The following PROM2 variants were observed in gnomAD, a reference collection of about 807,000 sequenced individuals.
PROM2 encodes prominin-2.
In PROM2, 90 loss-of-function variants were observed where a neutral mutation model predicts 110.2. That is an observed-to-expected ratio of 0.82 (90% CI 0.69 to 0.97). The LOEUF (loss-of-function observed/expected upper bound fraction) is 0.97, where lower values mean the gene tolerates loss of function less well. Among genes scored for constraint, PROM2 ranks in the 50% least tolerant of loss-of-function variants. The probability of loss-of-function intolerance (pLI) is 0.00; values close to 1 mark genes in which losing one functional copy is unlikely to be tolerated. For synonymous variants in PROM2, 470 were observed against 467.8 expected, an observed-to-expected ratio of 1.00 and a Z score of -0.06; for missense variants, 1,009 against 1,074.8, an observed-to-expected ratio of 0.94 and a Z score of 0.86.
intron 20 of PROM2, 142 bp from the exon 21 acceptor site, chr2:95,288,069 T>A (rs1677477035): frequency 6.3e-5 from 45 of 713,034 alleles, no homozygotes; most frequent in Non-Finnish European, 1.0e-4. Flanking sequence ...CCTCTCTGCA[T>A]GTGTATACAA....
intron 8 of PROM2, chr2:95,278,238 C>A: frequency 1.7e-6 from 1 of 589,622 alleles, no homozygotes; most frequent in Non-Finnish European, 3.0e-6. Flanking sequence ...GGGAGCAGTG[C>A]TCAGTCTGAG....
chr2:95,287,524 C>T, intron 20 of PROM2, 60 bp downstream of exon 20: 1 of 1,557,612 alleles, frequency 6.4e-7, no homozygotes, highest in African/African-American at 1.4e-5. Context: ...GCTGTTCACC[C>T]TGCTCTGCCC....
chr2:95,282,085 C>T (rs1017236892), intron 13 of PROM2, 57 bp from the exon 14 acceptor site: 3 of 1,606,782 alleles, frequency 1.9e-6, no homozygotes, highest in African/African-American at 2.7e-5. Context: ...CCTCAGGGGA[C>T]ATCAGCCCCC....
intron 22 of PROM2, 38 bp from the exon 23 acceptor site, chr2:95,288,895 G>T: frequency 1.3e-6 from 2 of 1,597,976 alleles, no homozygotes; most frequent in Middle Eastern, 1.7e-4. Flanking sequence ...AGGGTCTGGG[G>T]GGAAGGGTAT....
intron 11 of PROM2, among the ~76,000 whole-genome samples, chr2:95,280,470 C>T (rs1676982814): frequency 6.6e-6 from 1 of 152,326 alleles, no homozygotes. Flanking sequence ...GCCCTTCGAG[C>T]CCCCTGGTCT....
At chr2:95,286,605 G>T (rs748617795) in intron 17 of PROM2, 34 bp downstream of exon 17, 7 of 1,579,436 alleles carry the variant, frequency 4.4e-6, no homozygotes, top group Non-Finnish European at 5.2e-6. Context: ...CTGGGGCCTG[G>T]GGGAGGGGAG....
chr2:95,275,881 G>T lies in PROM2; in HGVS notation c.295-49G>T, dbSNP rs1335325611. On this transcript the variant is annotated intron_variant, in intron 2 of 23. Coordinates refer to ENST00000317620, the MANE Select transcript of PROM2 (RefSeq NM_001165978.3). The surrounding 1 kb of genome is among the most constrained non-coding windows in gnomAD (Gnocchi z 4.4). ...CCTCTGGACTCAGGCAGAAGCCAGG[G>T]CTGGGCAGTGGGGGTCGGGTCACCC... The T allele has an allele frequency of 3.8e-6, 6 of 1,568,186 alleles. No individual in the cohort carries two copies. The highest frequency in any genetic ancestry group is 5.2e-6 in the Non-Finnish European group (6 of 1,159,258).
intron 16 of PROM2, among the ~76,000 whole-genome samples, chr2:95,286,269 C>T (rs536159456): frequency 2.6e-5 from 4 of 152,322 alleles, no homozygotes; most frequent in African/African-American, 9.6e-5. Flanking sequence ...TGTTCTGTGA[C>T]TGACTTAGGG....
At chr2:95,278,389 A>G in intron 8 of PROM2, 1 of 534,296 alleles carries the variant, frequency 1.9e-6, no homozygotes, top group Non-Finnish European at 3.4e-6. Context: ...GGAAGGTTCC[A>G]GAAGGAAGGA....
At position 95,278,347 on chromosome 2, in the gene PROM2, A is replaced by T. The variant is rs1482865142; in HGVS notation, c.1050+343A>T. On this transcript the variant is annotated intron_variant, in intron 8 of 23. Transcript: ENST00000317620. ...GGACCCAGGACCTGGAGCTGGGGAA[A>T]TGATGAGTCAGCCATGCTGGGTGGC... 4.4e-5 allele frequency: 23 copies of T among 522,870 alleles called. No homozygotes were observed. The East Asian group carries it at 7.3e-4, about 17-fold the overall frequency. The allele number at this position is 522,870 out of a possible 1,614,324, so 32.4% of individuals were successfully genotyped here. A position where few individuals can be genotyped will look rare whatever the true frequency, so the allele number is the denominator to read the frequency against.
At chr2:95,286,780 C>T in intron 17 of PROM2, 24 bp from the exon 18 acceptor site, 6 of 1,590,398 alleles carry the variant, frequency 3.8e-6, no homozygotes, top group Non-Finnish European at 5.1e-6. Flanking sequence ...ACTCCCCTAA[C>T]CAGCCCTGAT....
At position 95,289,299 on chromosome 2, in the gene PROM2, C is replaced by G. The variant is rs1034044750; in HGVS notation, c.*86C>G. 4.3e-6 allele frequency: 2 copies of G among 465,584 alleles called. No individual in the cohort carries two copies. Among genetic ancestry groups the G allele is most frequent in the Admixed American group, 6.9e-5 (2 of 28,890 alleles). The allele number at this position is 465,584 out of a possible 1,614,324, so 28.8% of individuals were successfully genotyped here. ...CACAGGACTTCGGTAGCTCTTGCCC[C>G]AGAGCCCAGGCTGGCATCCAGGCCT... On this transcript the variant is annotated 3_prime_UTR_variant, in exon 24 of 24. Transcript: ENST00000317620.
chr2:95,279,928 G>A lies in PROM2; in HGVS notation c.1358G>A (p.Gly453Asp), dbSNP rs1676948814. Residue 453 changes from glycine (G) to aspartate (D), a missense_variant, in exon 11 of 24, where the codon GGC becomes GAC. Gly to Asp is a moderately conservative substitution (Grantham distance 94). Transcript: ENST00000317620. ...NLLGLNLGIW[G>D]LSARDDPSHP... ...CTGGGCCTCAATCTGGGCATCTGGG[G>A]CCTGTCTGCCAGGGACGACCCCAGC... 1 of 1,550,470 alleles carries A rather than the reference G, an allele frequency of 6.4e-7. No individual in the cohort carries two copies. The highest frequency in any genetic ancestry group is 8.7e-7 in the Non-Finnish European group (1 of 1,145,960).
chr2:95,279,780 G>C (rs73957747), intron 10 of PROM2, 65 bp from the exon 11 acceptor site: 1 of 1,337,716 alleles, frequency 7.5e-7, no homozygotes, highest in Middle Eastern at 2.2e-4. Flanking sequence ...GCCACGTCCC[G>C]CACCTGTCCA....
In PROM2 at chr2:95,289,010, A is replaced by C. The variant is rs778100656; in HGVS notation, c.*10+4A>C. 6.8e-7 allele frequency: 1 copy of C among 1,461,072 alleles called. No individual in the cohort carries two copies. Among genetic ancestry groups the C allele is most frequent in the Non-Finnish European group, 9.2e-7 (1 of 1,081,336 alleles). The allele number at this position is 1,461,072 out of a possible 1,614,324, so 90.5% of individuals were successfully genotyped here. A position where few individuals can be genotyped will look rare whatever the true frequency, so the allele number is the denominator to read the frequency against. On this transcript the variant is annotated splice_donor_region_variant and intron_variant, in intron 23 of 23. Transcript: ENST00000317620. ...CTGAAGCTGTAGGGCCTTGTGGGTGAGTTTTCCCCAACTCGCTTAATTGCT... is the reference window on the plus strand; with the variant it reads ...CTGAAGCTGTAGGGCCTTGTGGGTGCGTTTTCCCCAACTCGCTTAATTGCT...
In PROM2 at chr2:95,274,724, GC is replaced by G; in HGVS notation, c.142del (p.Arg48GlyfsTer37). 1.2e-6 allele frequency: 2 copies of G among 1,612,416 alleles called. No individual in the cohort carries two copies. The highest frequency in any genetic ancestry group is 8.5e-7 in the Non-Finnish European group (1 of 1,179,936). On this transcript the variant is annotated frameshift_variant, in exon 1 of 24. Transcript: ENST00000317620. LOFTEE classifies it high-confidence loss of function. ...CCTGACATTCACCCCAGCAGCCAGG[GC>G]CCGGTGGCTGGCCCCTCGAGTTCGT... The part of the protein sequence containing the change: ...EHLTFTPAAR[A>X]RWLAPRVRAP...
At chr2:95,277,838 G>A in intron 7 of PROM2, 92 bp from the exon 8 acceptor site, 2 of 1,113,080 alleles carry the variant, frequency 1.8e-6, no homozygotes, top group South Asian at 1.3e-5. Flanking sequence ...GGACATTGGG[G>A]TTCAGAGGCC....
chr2:95,288,792 T>G (rs1348054376), intron 22 of PROM2, 141 bp from the exon 23 acceptor site: 2 of 904,194 alleles, frequency 2.2e-6, no homozygotes, highest in Non-Finnish European at 3.6e-6. Context: ...GCTGCATCCA[T>G]TTGGGCGCAG....
Position 95,282,967 on chromosome 2 carries a change from G to A in PROM2, c.1728+741G>A, listed in dbSNP as rs533585015. Among the ~76,000 whole-genome samples the A allele has an allele frequency of 8.7e-4, 132 of 152,198 alleles. 1 individual carries two copies. Among genetic ancestry groups the A allele is most frequent in the Middle Eastern group, 3.4e-3 (1 of 294 alleles). ...GCATGCTAACTCCTGATTTTGCATC[G>A]TTCTGGGAAACCCTTCCAACCCCTG... On this transcript the variant is annotated intron_variant, in intron 14 of 23. Coordinates refer to ENST00000317620, the MANE Select transcript of PROM2 (RefSeq NM_001165978.3).
Sources: gnomAD v4.1 joint callset for allele counts (sites outside exome capture counted in the v4.1 genomes callset) on GRCh38, gnomAD v4.1.1 for gene constraint, Gnocchi (gnomAD v3.1) non-coding constraint, MANE v1.5 for transcripts, NCBI Gene and HGNC (gene_info 2026-07-23, HGNC 2026-07-21) for gene names.